DENND2B: variants seen among roughly 807,000 people sequenced by gnomAD.
The protein encoded by DENND2B is DENN domain containing 2B, also known as DENN domain-containing protein 2B.
DENND2B carries 32 observed loss-of-function variants against 116.0 expected under a neutral mutation model. That is an observed-to-expected ratio of 0.28 (90% CI 0.21 to 0.37). DENND2B has a LOEUF of 0.37. Among genes scored for constraint, DENND2B ranks in the 10% least tolerant of loss-of-function variants. DENND2B has a pLI of 1.00. For synonymous variants in DENND2B, 588 were observed against 583.9 expected (o/e 1.01, Z -0.10); for missense variants, 1,276 against 1,477.7 (o/e 0.86, Z 2.24).
intron 19 of DENND2B, among the ~76,000 whole-genome samples, 176 bp downstream of exon 19, chr11:8,695,279 GTGCAAAAT>G (rs1356247010): frequency 6.6e-6 from 1 of 152,122 alleles, no homozygotes; most frequent in African/African-American, 2.4e-5. Flanking sequence ...GACCACTACT[GTGCAAAAT>G]GCCCTTGGAA....
upstream of DENND2B, among the ~76,000 whole-genome samples, chr11:8,814,540 G>A (rs2061503815): frequency 6.6e-6 from 1 of 152,050 alleles, no homozygotes; most frequent in Non-Finnish European, 1.5e-5. Context: ...TCTTTGCCTG[G>A]ATAGCTCTTA....
chr11:8,867,504 C>A (rs2063623691), intron 2 of DENND2B, among the ~76,000 whole-genome samples: 1 of 148,682 alleles, frequency 6.7e-6, no homozygotes, highest in African/African-American at 2.5e-5. Context: ...TTATGTTAAT[C>A]TTTCTCATAA....
intron 1 of DENND2B, among the ~76,000 whole-genome samples, chr11:8,792,488 C>CA (rs915681409): frequency 4.6e-5 from 7 of 151,398 alleles, no homozygotes; most frequent in African/African-American, 1.5e-4. Flanking sequence ...TAAACAAAGT[C>CA]AAAAAAAATT....
chr11:8,716,598 A>G (rs1186987091), intron 5 of DENND2B, among the ~76,000 whole-genome samples: 1 of 151,896 alleles, frequency 6.6e-6, no homozygotes, highest in Admixed American at 6.6e-5. Context: ...CAATCTGGCA[A>G]TGCAAACTCA....
At chr11:8,725,131 C>T (rs2046864983) in intron 4 of DENND2B, among the ~76,000 whole-genome samples, 1 of 152,216 alleles carries the variant, frequency 6.6e-6, no homozygotes, top group Non-Finnish European at 1.5e-5. Flanking sequence ...GTACAATAGA[C>T]TGAATGTTTC....
At position 8,750,675 on chromosome 11, in the gene DENND2B, G is replaced by C. The variant is rs2052221800; in HGVS notation, c.26C>G (p.Ser9Cys). The C allele has an allele frequency of 6.2e-7, 1 of 1,614,012 alleles. No individual in the cohort carries two copies. Among genetic ancestry groups the C allele is most frequent in the Non-Finnish European group, 8.5e-7 (1 of 1,180,026 alleles). The change falls in exon 2 of 20, where the codon TCC becomes TGC. Residue 9 changes from serine (S) to cysteine (C), a missense_variant. This residue lies in a region of DENND2B where 856 missense variants were observed against 846.6 expected (regional missense o/e 1.01). Coordinates refer to ENST00000313726, the MANE Select transcript of DENND2B (RefSeq NM_213618.2). ...GCCACCAGCTCCGTGGGTGATGCTGGAATTCTTGTTGGCAGTCATGGTCAT... is the reference window on the plus strand; with the variant it reads ...GCCACCAGCTCCGTGGGTGATGCTGCAATTCTTGTTGGCAGTCATGGTCAT... Reference protein sequence around the residue: MTMTANKNSSITHGAGGTK... With the variant: MTMTANKNCSITHGAGGTK...
intron 3 of DENND2B, among the ~76,000 whole-genome samples, chr11:8,844,842 C>T (rs2062757266): frequency 6.6e-6 from 1 of 151,986 alleles, no homozygotes; most frequent in African/African-American, 2.4e-5. Context: ...TCAAGCAATC[C>T]TCCTGCTTCA....
rs562416869 is a variant in DENND2B, at chr11:8,774,323, C to T, written c.-25-23598G>A. The T allele has an allele frequency of 4.1e-6, 4 of 985,394 alleles. No individual in the cohort carries two copies. The South Asian group carries it at 1.9e-4, about 46-fold the overall frequency. The allele number at this position is 985,394 out of a possible 1,614,324, so 61.0% of individuals were successfully genotyped here. Reference sequence around the variant, plus strand: ...AATCACCTGAAAGGCTGAAGGCTGCCTTATAGCAAGTTCTGACTAGTGAAA... The same window carrying T: ...AATCACCTGAAAGGCTGAAGGCTGCTTTATAGCAAGTTCTGACTAGTGAAA... On this transcript the variant is annotated intron_variant, in intron 1 of 19. Transcript: ENST00000313726.
rs561743072 is a variant in DENND2B at position 8,800,247 on chromosome 11, T to C, written c.-26+10270A>G. On this transcript the variant is annotated intron_variant, in intron 1 of 19. Transcript: ENST00000313726. The stretch of plus-strand genomic sequence containing the variant: ...AGGATTATAAGTGTGAGCCATTGCA[T>C]TGTGTCCGGCCTTTACCATCTTTTA... Among the ~76,000 whole-genome samples the C allele has an allele frequency of 1.2e-4, 18 of 152,238 alleles. No individual in the cohort carries two copies. In the East Asian group the frequency reaches 2.3e-3, roughly 20 times the overall value.
chr11:8,749,663 G>A lies in DENND2B; in HGVS notation c.80+958C>T, dbSNP rs149707746. 1.8e-3 allele frequency among the ~76,000 whole-genome samples: 273 copies of A among 152,236 alleles called. 1 individual carries two copies. Among genetic ancestry groups the A allele is most frequent in the African/African-American group, 6.2e-3 (258 of 41,530 alleles). ...CCACCAACTCTGACCAGACCCTATT[G>A]GACTCAGCCTAGCACTGCACAGCCA... On this transcript the variant is annotated intron_variant, in intron 2 of 19. Coordinates refer to ENST00000313726, the MANE Select transcript of DENND2B (RefSeq NM_213618.2).
chr11:8,752,957 C>A (rs1242893245), intron 1 of DENND2B, among the ~76,000 whole-genome samples: 1 of 152,152 alleles, frequency 6.6e-6, no homozygotes, highest in Non-Finnish European at 1.5e-5. Flanking sequence ...CAATTTTGGG[C>A]CAGGTGTGGT....
At chr11:8,882,063 T>C (rs961440267) in intron 1 of DENND2B, among the ~76,000 whole-genome samples, 1 of 152,174 alleles carries the variant, frequency 6.6e-6, no homozygotes, top group African/African-American at 2.4e-5. Flanking sequence ...TTGCATGGTT[T>C]CAATTCAATT....
At position 8,888,194 on chromosome 11, in the gene DENND2B, T is replaced by C. The variant is rs187388126; in HGVS notation, c.-255-7085A>G. On this transcript the variant is annotated intron_variant, in intron 1 of 22. Coordinates refer to the DENND2B transcript ENST00000534127. ...AATTTTGGTCAATTTCGGCTCTTAG[T>C]GTAGTGGACGCTACCCATGACCACC... Among the ~76,000 whole-genome samples the C allele has an allele frequency of 2.5e-3, 374 of 152,316 alleles. 2 individuals are homozygous for C. Among genetic ancestry groups the C allele is most frequent in the Non-Finnish European group, 3.7e-3 (255 of 68,040 alleles).
At chr11:8,755,146 G>A (rs75156496) in intron 1 of DENND2B, among the ~76,000 whole-genome samples, 8 of 152,174 alleles carry the variant, frequency 5.3e-5, no homozygotes, top group Admixed American at 5.2e-4. Context: ...GTGCACCACA[G>A]CCTAGGCGAA....
intron 3 of DENND2B, among the ~76,000 whole-genome samples, chr11:8,727,064 C>G (rs192660639): frequency 6.6e-6 from 1 of 152,168 alleles, no homozygotes; most frequent in Non-Finnish European, 1.5e-5. Context: ...ACTCTCTGCC[C>G]CTCTCCTTCA....
intron 13 of DENND2B, among the ~76,000 whole-genome samples, chr11:8,705,582 C>T (rs938674856): frequency 1.3e-5 from 2 of 152,168 alleles, no homozygotes; most frequent in Non-Finnish European, 2.9e-5. Flanking sequence ...AATACCTTCT[C>T]TTGGGGGTCT....
chr11:8,838,618 A>T (rs1356641308), intron 4 of DENND2B, among the ~76,000 whole-genome samples: 1 of 152,248 alleles, frequency 6.6e-6, no homozygotes, highest in Non-Finnish European at 1.5e-5. Flanking sequence ...GGGAAATCGA[A>T]GAGACCACTG....
chr11:8,798,359 G>A (rs1461347694), intron 1 of DENND2B, among the ~76,000 whole-genome samples: 1 of 152,124 alleles, frequency 6.6e-6, no homozygotes, highest in African/African-American at 2.4e-5. Context: ...TTCTCTAACT[G>A]GTGACAGTAG....
At chr11:8,709,361 C>T (rs933512815) in intron 11 of DENND2B, among the ~76,000 whole-genome samples, 1 of 152,158 alleles carries the variant, frequency 6.6e-6, no homozygotes, top group African/African-American at 2.4e-5. Flanking sequence ...TGCCAGCCCC[C>T]TTGGCAGAGA....
Sources: allele counts gnomAD v4.1 joint callset (sites outside exome capture counted in the v4.1 genomes callset), GRCh38; gene constraint gnomAD v4.1.1; regional missense constraint gnomAD v4.1.1; transcripts MANE v1.5; gene names NCBI Gene and HGNC (gene_info 2026-07-23, HGNC 2026-07-21).